TCF12: variants seen among roughly 807,000 people sequenced by gnomAD.
TCF12 encodes the protein transcription factor 12.
In TCF12, 45 loss-of-function variants were observed where a neutral mutation model predicts 86.0. The observed-to-expected ratio is 0.52, with a 90% CI of 0.41 to 0.67. The LOEUF (loss-of-function observed/expected upper bound fraction) is 0.67. Ranked by LOEUF, TCF12 falls within the 30% of genes least tolerant of loss-of-function variation. The pLI is 0.00. For missense variants in TCF12, 881 were observed against 859.9 expected (o/e 1.02, Z -0.31); for synonymous variants, 330 against 299.6 (o/e 1.10, Z -1.05).
At chr15:57,158,188 C>CTT (rs1187472686) in intron 5 of TCF12, among the ~76,000 whole-genome samples, 2 of 139,222 alleles carry the variant, frequency 1.4e-5, no homozygotes, top group African/African-American at 2.7e-5. Context: ...AAAGTCGTTT[C>CTT]TTTTTTTTTT....
At position 56,918,760 on chromosome 15, in the gene TCF12, GA is replaced by G. The variant is rs1447522171; in HGVS notation, c.-166del. On this transcript the variant is annotated 5_prime_UTR_variant, in exon 1 of 21. Coordinates refer to ENST00000333725, the MANE Select transcript of TCF12 (RefSeq NM_207037.2). ...CCGGGAGGAAGGGGCGGCCAGGCCC[GA>G]AAGCCGCCTCCCCCTCCCAGACCCG... The G allele has an allele frequency of 5.4e-5, 9 of 165,730 alleles. No individual in the cohort carries two copies. The highest frequency in any genetic ancestry group is 1.1e-4 in the Non-Finnish European group (8 of 76,172). The allele number at this position is 165,730 out of a possible 1,614,324, so 10.3% of individuals were successfully genotyped here.
intron 8 of TCF12, among the ~76,000 whole-genome samples, chr15:57,229,317 T>C (rs1434183017): frequency 1.3e-5 from 2 of 152,020 alleles, no homozygotes; most frequent in East Asian, 3.8e-4. Flanking sequence ...TGAAATACCT[T>C]TAAACCAGAA....
chr15:56,934,954 C>T (rs1170177150), intron 3 of TCF12, among the ~76,000 whole-genome samples: 1 of 152,214 alleles, frequency 6.6e-6, no homozygotes, highest in African/African-American at 2.4e-5. Context: ...GCTTCTGTCT[C>T]AGCTTCTCTC....
At position 57,253,338 on chromosome 15, in the gene TCF12, C is replaced by T. The variant is rs1264472809; in HGVS notation, c.1337C>T (p.Ser446Phe). 1 of 1,614,048 alleles carries T rather than the reference C, an allele frequency of 6.2e-7. No individual in the cohort carries two copies. Among genetic ancestry groups the T allele is most frequent in the Non-Finnish European group, 8.5e-7 (1 of 1,179,970 alleles). ...HVLRNHAVGP[S>F]TSLPAGHSDI... ...CTGCGGAACCATGCTGTGGGACCTTCCACCAGTTTGCCTGCTGGTCACAGT... is the reference window on the plus strand; with the variant it reads ...CTGCGGAACCATGCTGTGGGACCTTTCACCAGTTTGCCTGCTGGTCACAGT... The change falls in exon 16 of 21, where the codon TCC (serine) becomes TTC (phenylalanine). Residue 446 changes from serine (S) to phenylalanine (F), a missense_variant. By Grantham distance (155) the Ser-to-Phe change is radical. This residue lies in a region of TCF12 where 766 missense variants were observed against 718.9 expected (regional missense o/e 1.07). Transcript: ENST00000333725.
rs796767851 is a variant in TCF12, at chr15:56,965,883, T to G, written c.148+44785T>G. ...CTGGCTCTGATAGCATAAGTTATAT[T>G]TATGTGAATTTTCTTGAAGAAGTAA... On this transcript the variant is annotated intron_variant, in intron 3 of 20. Transcript: ENST00000333725. 1.1e-4 allele frequency among the ~76,000 whole-genome samples: 16 copies of G among 152,318 alleles called. 1 individual carries two copies. Among genetic ancestry groups the G allele is most frequent in the African/African-American group, 3.8e-4 (16 of 41,588 alleles).
In TCF12 at chr15:57,161,589, C is replaced by T. The variant is rs1237459174; in HGVS notation, c.326-4813C>T. On this transcript the variant is annotated intron_variant, in intron 5 of 20. Transcript: ENST00000333725. ...TATTTTCCAATAATATGTTGCTATT[C>T]TACTAGAGTTGGGTTTCTTAACCTG... Among the ~76,000 whole-genome samples, 4 of 152,212 alleles carry T rather than the reference C, an allele frequency of 2.6e-5. No homozygotes were observed. In the East Asian group the frequency reaches 5.8e-4, roughly 22 times the overall value.
chr15:57,129,709 T>A (rs2046644916), intron 5 of TCF12: 1 of 152,142 alleles, frequency 6.6e-6, no homozygotes, highest in Non-Finnish European at 1.5e-5. Flanking sequence ...ATGTATCTAA[T>A]CCCCCAGCAC....
chr15:57,006,067 T>C (rs1357562124), intron 3 of TCF12, among the ~76,000 whole-genome samples: 1 of 152,238 alleles, frequency 6.6e-6, no homozygotes, highest in African/African-American at 2.4e-5. Flanking sequence ...CTAATTTTTC[T>C]GTGGTTTGCA....
chr15:57,056,953 T>C (rs1428886264), intron 3 of TCF12, among the ~76,000 whole-genome samples: 1 of 152,182 alleles, frequency 6.6e-6, no homozygotes, highest in Admixed American at 6.5e-5. Context: ...GAGATTGGGT[T>C]ACATATTACT....
At chr15:57,179,538 T>A (rs1022383905) in intron 6 of TCF12, among the ~76,000 whole-genome samples, 1 of 133,404 alleles carries the variant, frequency 7.5e-6, no homozygotes. Context: ...TCAAAAGAAA[T>A]TTTTTTTTTT....
At chr15:57,225,234 T>A (rs2058815450) in intron 8 of TCF12, among the ~76,000 whole-genome samples, 1 of 126,444 alleles carries the variant, frequency 7.9e-6, no homozygotes. Flanking sequence ...TTTTTTTTTT[T>A]TTTTTTTTTT....
intron 6 of TCF12, among the ~76,000 whole-genome samples, chr15:57,187,909 G>T (rs1476167656): frequency 2.0e-5 from 3 of 152,056 alleles, no homozygotes; most frequent in Non-Finnish European, 4.4e-5. Context: ...CAGCCTGGGA[G>T]CCTGGATGAT....
Position 57,287,448 on chromosome 15 carries a change from GA to G in TCF12, c.*1304del, listed in dbSNP as rs2061968662. ...GCCCCTGTCCCAAAATGATGAGCCA[GA>G]TTAGCATTAAACCAGTACTTGTCAG... On this transcript the variant is annotated 3_prime_UTR_variant, in exon 21 of 21. Coordinates refer to ENST00000333725, the MANE Select transcript of TCF12 (RefSeq NM_207037.2). 6.5e-6 allele frequency: 1 copy of G among 152,682 alleles called. No homozygotes were observed. Among genetic ancestry groups the G allele is most frequent in the African/African-American group, 2.4e-5 (1 of 41,460 alleles). 9.5% of individuals were successfully genotyped at this position (152,682 alleles called of 1,614,324 possible). A position where few individuals can be genotyped will look rare whatever the true frequency, so the allele number is the denominator to read the frequency against.
intron 6 of TCF12, among the ~76,000 whole-genome samples, chr15:57,178,170 A>G (rs2056089203): frequency 2.0e-5 from 3 of 152,220 alleles, no homozygotes; most frequent in Admixed American, 1.3e-4. Context: ...AGCATGTAAC[A>G]AGGGGTAGGA....
intron 4 of TCF12, among the ~76,000 whole-genome samples, chr15:57,085,189 T>C (rs1382326127): frequency 6.6e-6 from 1 of 152,212 alleles, no homozygotes; most frequent in African/African-American, 2.4e-5. Context: ...ACTTAAGCAC[T>C]TCATTACACA....
chr15:57,272,538 A>G (rs2152095636), intron 18 of TCF12, among the ~76,000 whole-genome samples: 1 of 152,350 alleles, frequency 6.6e-6, no homozygotes, highest in South Asian at 2.1e-4. Context: ...CAAATTATAC[A>G]TTCATGTACT....
At chr15:56,919,006 C>T (rs1295373075) in intron 1 of TCF12, 100 bp downstream of exon 1, 2 of 151,962 alleles carry the variant, frequency 1.3e-5, no homozygotes, top group African/African-American at 2.4e-5. Flanking sequence ...CCCCGTCCCC[C>T]GCCTCAACTC....
At position 57,116,667 on chromosome 15, in the gene TCF12, T is replaced by C. The variant is rs569482564; in HGVS notation, c.325+24776T>C. ...CAGCAGTAAATATTATTATGTAGTA[T>C]TTTCTAAGTCCAGATTTTCTTTTAA... On this transcript the variant is annotated intron_variant, in intron 5 of 20. Transcript: ENST00000333725. Among the ~76,000 whole-genome samples, 13 of 152,264 alleles carry C rather than the reference T, an allele frequency of 8.5e-5. No homozygotes were observed. In the South Asian group the frequency reaches 2.1e-3, roughly 24 times the overall value.
intron 3 of TCF12, among the ~76,000 whole-genome samples, chr15:57,015,345 C>G (rs1038307016): frequency 6.6e-6 from 1 of 152,166 alleles, no homozygotes; most frequent in African/African-American, 2.4e-5. Flanking sequence ...TGCTAAGTCT[C>G]CCACCCGTTT....
Sources: allele counts gnomAD v4.1 joint callset (sites outside exome capture counted in the v4.1 genomes callset), GRCh38; gene constraint gnomAD v4.1.1; regional missense constraint gnomAD v4.1.1; transcripts MANE v1.5; gene names NCBI Gene and HGNC (gene_info 2026-07-23, HGNC 2026-07-21).